The following SHQ1 variants were observed in gnomAD, a reference collection of about 807,000 sequenced individuals.
SHQ1 encodes the protein protein SHQ1 homolog.
Under a neutral mutation model 53.8 loss-of-function variants are expected in SHQ1, and 49 were observed. The observed-to-expected ratio is 0.91, with a 90% CI of 0.72 to 1.16. The LOEUF (loss-of-function observed/expected upper bound fraction) is 1.16, where lower values mean the gene tolerates loss of function less well. SHQ1 is among the 50% of genes most tolerant of loss of function. The pLI is 0.00. For missense variants in SHQ1, 738 were observed against 683.1 expected, an observed-to-expected ratio of 1.08 and a Z score of -0.90; for synonymous variants, 243 against 251.0, an observed-to-expected ratio of 0.97 and a Z score of 0.30.
At chr3:72,744,800 T>G (rs780990989), downstream of SHQ1, among the ~76,000 whole-genome samples, 1 of 152,088 alleles carries the variant, frequency 6.6e-6, no homozygotes, top group African/African-American at 2.4e-5. Context: ...AGAGAAACAT[T>G]TGCAATCTTT....
intron 10 of SHQ1, among the ~76,000 whole-genome samples, chr3:72,758,834 T>C (rs931420640): frequency 6.6e-6 from 1 of 152,190 alleles, no homozygotes; most frequent in African/African-American, 2.4e-5. Flanking sequence ...TCCAAAGAGC[T>C]GGGATTACAG....
At chr3:72,841,239 T>G in intron 3 of SHQ1, 40 bp from the exon 4 acceptor site, 1 of 1,533,626 alleles carries the variant, frequency 6.5e-7, no homozygotes, top group Non-Finnish European at 8.9e-7. Context: ...AGTATTGGAT[T>G]TAAGTACAAC....
At position 72,750,463 on chromosome 3, in the gene SHQ1, C is replaced by T. The variant is rs1705341286; in HGVS notation, c.1555G>A (p.Asp519Asn). ...VRRNTAIQES[D>N]ASQGKPLASS... ...GCAAGTGGCTTTCCCTGACTGGCAT[C>T]AGACTCCTGGATGGCTGTGTTTCTG... Residue 519 changes from aspartate (D) to asparagine (N), a missense_variant, in exon 11 of 11, where the codon GAT (aspartate) becomes AAT (asparagine). Asp to Asn is a conservative substitution (Grantham distance 23). Coordinates refer to ENST00000325599, the MANE Select transcript of SHQ1 (RefSeq NM_018130.3). 2 of 1,614,090 alleles carry T rather than the reference C, an allele frequency of 1.2e-6. No homozygotes were observed. Among genetic ancestry groups the T allele is most frequent in the Non-Finnish European group, 1.7e-6 (2 of 1,180,050 alleles).
intron 7 of SHQ1, among the ~76,000 whole-genome samples, chr3:72,816,060 ATAT>A (rs1178636976): frequency 6.6e-6 from 1 of 152,204 alleles, no homozygotes; most frequent in Admixed American, 6.5e-5. Context: ...ATTTTCAGAT[ATAT>A]TATGCCCTTA....
chr3:72,726,220 G>A, the SHQ1 span, among the ~76,000 whole-genome samples: 2,749 of 152,256 alleles, frequency 0.018, 62 homozygotes, highest in Middle Eastern at 0.058. Context: ...AAAGACTCCC[G>A]CCCAGGGAGT....
chr3:72,814,099 C>A (rs946774208), intron 8 of SHQ1, among the ~76,000 whole-genome samples: 1 of 152,044 alleles, frequency 6.6e-6, no homozygotes, highest in Non-Finnish European at 1.5e-5. Flanking sequence ...TTTACATGTA[C>A]ATTAATCCTT....
At chr3:72,794,694 A>C (rs534271767) in intron 9 of SHQ1, 3 of 152,272 alleles carry the variant, frequency 2.0e-5, no homozygotes, top group South Asian at 4.1e-4. Flanking sequence ...TCTTCCCTGC[A>C]TATGTTCTCA....
intron 10 of SHQ1, chr3:72,753,408 TGTACCTGAAATGCTATTTCTCAAA>T: frequency 3.0e-6 from 3 of 985,442 alleles, no homozygotes; most frequent in Non-Finnish European, 3.6e-6. Flanking sequence ...GGTGCCTGCA[TGTACCTGAAATGCTATTTCTCAAA>T]GTACTCAGCA....
Position 72,841,173 on chromosome 3 carries a change from C to T in SHQ1, c.358G>A (p.Val120Ile), listed in dbSNP as rs754126999. Reference protein sequence around the residue: ...IGASEIPEEVVDDEEFDWEIE... With the variant: ...IGASEIPEEVIDDEEFDWEIE... The stretch of plus-strand genomic sequence containing the variant: ...TCCCAATCAAACTCTTCATCGTCAA[C>T]TACTTCCTCAGGAATCTCAGAAGCA... Residue 120 changes from valine to isoleucine, a missense_variant, in exon 4 of 11, where the codon GTT becomes ATT. Transcript: ENST00000325599. 5 of 1,613,188 alleles carry T rather than the reference C, an allele frequency of 3.1e-6. 1 individual carries two copies. In the South Asian group the frequency reaches 5.5e-5, roughly 18 times the overall value.
chr3:72,758,612 C>G (rs1290736617), intron 10 of SHQ1, among the ~76,000 whole-genome samples: 2 of 138,954 alleles, frequency 1.4e-5, no homozygotes, highest in Non-Finnish European at 3.1e-5. Flanking sequence ...TTCTATTGCC[C>G]AAGCTGGAAT....
chr3:72,735,451 G>A, the SHQ1 span, among the ~76,000 whole-genome samples: 328 of 138,378 alleles, frequency 2.4e-3, 2 homozygotes, highest in African/African-American at 8.5e-3. Flanking sequence ...TATGGGCTTG[G>A]AGGAGCTCCA....
chr3:72,816,773 A>T (rs1707333624), intron 7 of SHQ1, among the ~76,000 whole-genome samples: 1 of 152,218 alleles, frequency 6.6e-6, no homozygotes. Context: ...CTATGAATTG[A>T]GGGACACTTG....
intron 2 of SHQ1, 152 bp from the exon 3 acceptor site, chr3:72,842,554 C>T (rs532252138): frequency 6.8e-6 from 3 of 439,816 alleles, no homozygotes; most frequent in Admixed American, 7.7e-5. Context: ...CATACCAAGA[C>T]CCCATCTCTA....
chr3:72,841,071 G>C lies in SHQ1; in HGVS notation c.460C>G (p.Arg154Gly), dbSNP rs199551642. The change falls in exon 4 of 11, where the codon CGA becomes GGA. Residue 154 changes from arginine (R) to glycine (G), a missense_variant. Arg to Gly is a moderately radical substitution (Grantham distance 125). Coordinates refer to ENST00000325599, the MANE Select transcript of SHQ1 (RefSeq NM_018130.3). ...PQCHYGFGNL[R>G]SGVLQRLQDE... ...TGTAACCGTTGCAACACTCCTGATC[G>C]TAAGTTTCCAAATCCATAGTGGCAC... is the stretch of plus-strand genomic sequence containing the variant. The C allele has an allele frequency of 5.1e-5, 82 of 1,613,578 alleles. No homozygotes were observed. Among genetic ancestry groups the C allele is most frequent in the South Asian group, 2.0e-4 (18 of 90,960 alleles).
chr3:72,745,007 CCTATA>C (rs1305127891), downstream of SHQ1, among the ~76,000 whole-genome samples: 2 of 150,622 alleles, frequency 1.3e-5, no homozygotes, highest in Admixed American at 1.3e-4. Context: ...TAATTTTATT[CCTATA>C]CTAAGTTTTA....
rs372032784 is a variant in SHQ1, at chr3:72,751,476, A to ATGTGTGTGTGTG, written c.1182-652_1182-641dup. Among the ~76,000 whole-genome samples the ATGTGTGTGTGTG allele has an allele frequency of 3.7e-3, 408 of 109,562 alleles. 9 individuals are homozygous for ATGTGTGTGTGTG. Among genetic ancestry groups the ATGTGTGTGTGTG allele is most frequent in the African/African-American group, 0.018 (389 of 21,888 alleles). The allele number at this position is 109,562 out of a possible 152,430, so 71.9% of individuals were successfully genotyped here. A position where few individuals can be genotyped will look rare whatever the true frequency, so the allele number is the denominator to read the frequency against. On this transcript the variant is annotated intron_variant, in intron 10 of 10. Transcript: ENST00000325599. ...GGTAATATATCTATAATAAGCACATATGTGTGTGTGTGTGTGTGTGTGTGT... is the reference window on the plus strand; with the variant it reads ...GGTAATATATCTATAATAAGCACATATGTGTGTGTGTGTGTGTGTGTGTGTGTGTGTGTGTGT...
chr3:72,809,894 G>C (rs1216474828), intron 9 of SHQ1: 1 of 151,780 alleles, frequency 6.6e-6, no homozygotes, highest in African/African-American at 2.4e-5. Flanking sequence ...AGGAAGCGGA[G>C]GTTGCAGTGA....
In SHQ1 at chr3:72,848,445, G is replaced by A. The variant is rs375034202; in HGVS notation, c.-105C>T. ...ACGCGCAGGAACTCTCGGTGTGAGG[G>A]ACGGAGCTTCCGGCTCGAGGCGGAA... On this transcript the variant is annotated 5_prime_UTR_variant, in exon 1 of 11. Transcript: ENST00000325599. 7.7e-4 allele frequency: 1,166 copies of A among 1,512,448 alleles called. 14 individuals are homozygous for A. In the South Asian group the frequency reaches 0.014, roughly 18 times the overall value. The allele number at this position is 1,512,448 out of a possible 1,614,324, so 93.7% of individuals were successfully genotyped here.
At chr3:72,797,962 T>C (rs1222996240) in intron 9 of SHQ1, among the ~76,000 whole-genome samples, 2 of 152,118 alleles carry the variant, frequency 1.3e-5, no homozygotes, top group African/African-American at 2.4e-5. Flanking sequence ...CTAGCAGCTA[T>C]GAGCAAAGGA....
Sources: allele counts gnomAD v4.1 joint callset (sites outside exome capture counted in the v4.1 genomes callset), GRCh38; gene constraint gnomAD v4.1.1; transcripts MANE v1.5; gene names NCBI Gene and HGNC (gene_info 2026-07-23, HGNC 2026-07-21).